GGT1: variants seen among roughly 807,000 people sequenced by gnomAD.
The protein encoded by GGT1 is gamma-glutamyltransferase 1.
A neutral mutation model predicts 56.0 loss-of-function variants in GGT1; 21 were observed. The ratio of observed to expected loss-of-function variants is 0.38; its 90% CI spans 0.27 to 0.54. The LOEUF (loss-of-function observed/expected upper bound fraction) is 0.54, where lower values mean the gene tolerates loss of function less well. Ranked by LOEUF, GGT1 falls within the 20% of genes least tolerant of loss-of-function variation. The pLI, the probability that GGT1 is intolerant of heterozygous loss-of-function variation, is 0.82. For synonymous variants in GGT1, 238 were observed against 342.6 expected (o/e 0.69, Z 3.37); for missense variants, 466 against 787.0 (o/e 0.59, Z 4.88).
chr22:24,618,266 G>T (rs1383200966), intron 7 of GGT1, among the ~76,000 whole-genome samples: 1 of 152,020 alleles, frequency 6.6e-6, no homozygotes, highest in East Asian at 1.9e-4. Context: ...GCTAAGCATC[G>T]TCACCCTGGT....
intron 1 of GGT1, among the ~76,000 whole-genome samples, chr22:24,595,652 A>C (rs749420576): frequency 9.2e-5 from 14 of 152,162 alleles, no homozygotes; most frequent in Non-Finnish European, 1.8e-4. Context: ...CCCTGATGGG[A>C]ACGTACTAGG....
chr22:24,628,849 G>A lies in GGT1; in HGVS notation c.*10G>A, dbSNP rs1461480347. On this transcript the variant is annotated 3_prime_UTR_variant, in exon 16 of 16. Transcript: ENST00000400382. This position sits in a 1 kb window ranked among gnomAD's most constrained non-coding sequence, Gnocchi z 5.7. The stretch of plus-strand genomic sequence containing the variant: ...GCCTGCCGGCTACTGAGTGCTCCAG[G>A]AGGACAAGGCTGACAAGCAATCCAG... The A allele has an allele frequency of 6.3e-7, 1 of 1,582,078 alleles. No individual in the cohort carries two copies. Among genetic ancestry groups the A allele is most frequent in the Non-Finnish European group, 8.6e-7 (1 of 1,163,312 alleles).
chr22:24,584,686 C>G, the GGT1 span, among the ~76,000 whole-genome samples: 2 of 152,074 alleles, frequency 1.3e-5, no homozygotes, highest in Non-Finnish European at 2.9e-5. Context: ...TGGAGCCCCC[C>G]TCTGCTGCTG....
chr22:24,597,831 G>T (rs916120001), intron 1 of GGT1, among the ~76,000 whole-genome samples: 6 of 152,196 alleles, frequency 3.9e-5, no homozygotes, highest in African/African-American at 1.4e-4. Context: ...ACTCCAGCTG[G>T]TGTCTTCCAA....
At chr22:24,623,062 T>G in intron 9 of GGT1, 45 bp from the exon 10 acceptor site, 1 of 1,611,104 alleles carries the variant, frequency 6.2e-7, no homozygotes, top group Non-Finnish European at 8.5e-7. Context: ...CACGCAGTGG[T>G]GCAGCCCCAT....
the GGT1 span, chr22:24,586,415 T>C: frequency 1.2e-6 from 2 of 1,605,136 alleles, no homozygotes; most frequent in African/African-American, 1.3e-5. Flanking sequence ...CTTGAGGCTA[T>C]GGGAGAGTGG....
At chr22:24,615,663 T>C (rs4049867) in intron 7 of GGT1, among the ~76,000 whole-genome samples, 4 of 152,190 alleles carry the variant, frequency 2.6e-5, no homozygotes, top group Admixed American at 6.5e-5. Flanking sequence ...GTGGGGATGG[T>C]GCTCTAGAAT....
At chr22:24,622,002 A>C in intron 9 of GGT1, among the ~76,000 whole-genome samples, 1 of 149,232 alleles carries the variant, frequency 6.7e-6, no homozygotes, top group African/African-American at 2.5e-5. Context: ...GTGAGCCGAG[A>C]TTGCACCACT....
At chr22:24,597,944 T>G (rs1157293282) in intron 1 of GGT1, 2 of 152,238 alleles carry the variant, frequency 1.3e-5, no homozygotes, top group African/African-American at 4.8e-5. Context: ...GTCACAAGTC[T>G]GGGCATTGGG....
At chr22:24,605,945 A>C (rs1248420212) in intron 1 of GGT1, among the ~76,000 whole-genome samples, 2 of 82,858 alleles carry the variant, frequency 2.4e-5, no homozygotes, top group East Asian at 3.0e-4. Flanking sequence ...TATAATATAT[A>C]ATATTATATA....
chr22:24,600,831 G>A (rs563966886), upstream of GGT1, among the ~76,000 whole-genome samples: 11 of 152,324 alleles, frequency 7.2e-5, no homozygotes, highest in African/African-American at 2.6e-4. Context: ...TCTGAGGCCA[G>A]GCCCACCTGC....
chr22:24,584,660 GCCT>G, the GGT1 span, among the ~76,000 whole-genome samples: 1 of 152,170 alleles, frequency 6.6e-6, no homozygotes, highest in Middle Eastern at 3.4e-3. Flanking sequence ...GAGGACCCCT[GCCT>G]CCTCCTTAGC....
chr22:24,583,982 G>A, the GGT1 span, among the ~76,000 whole-genome samples: 1 of 152,240 alleles, frequency 6.6e-6, no homozygotes, highest in Non-Finnish European at 1.5e-5. Flanking sequence ...CTGGCCCAGG[G>A]CCGGCTCTCA....
chr22:24,586,467 A>G, the GGT1 span: 2 of 1,539,666 alleles, frequency 1.3e-6, no homozygotes, highest in African/African-American at 1.4e-5. Flanking sequence ...CCCCCCACTG[A>G]CCACAGACAG....
rs374509145 is a variant in GGT1 at position 24,623,669 on chromosome 22, G to A, written c.884-111G>A. 404 of 843,498 alleles carry A rather than the reference G, an allele frequency of 4.8e-4. 2 individuals carry two copies. The East Asian group carries it at 9.7e-3, about 20-fold the overall frequency. 52.3% of individuals were successfully genotyped at this position (843,498 alleles called of 1,614,324 possible). Reference sequence around the variant, plus strand: ...GCCTTCTGAAGCAGCTGCTGCTATTGGTTATTAAACGCTCCTTGAGGTGGG... The same window carrying A: ...GCCTTCTGAAGCAGCTGCTGCTATTAGTTATTAAACGCTCCTTGAGGTGGG... On this transcript the variant is annotated intron_variant, in intron 10 of 15. Transcript: ENST00000400382.
At chr22:24,607,908 T>G in intron 1 of GGT1, 46 bp from the exon 2 acceptor site, 1 of 443,434 alleles carries the variant, frequency 2.3e-6, no homozygotes, top group Non-Finnish European at 4.7e-6. Context: ...GCCAGTTCTG[T>G]GGCTGGGACT....
intron 10 of GGT1, 23 bp from the exon 11 acceptor site, chr22:24,623,757 T>G (rs1386393056): frequency 6.2e-7 from 1 of 1,611,062 alleles, no homozygotes; most frequent in Admixed American, 1.7e-5. Flanking sequence ...CTCAGCAACA[T>G]GCACCTGGCT....
chr22:24,586,058 A>G, the GGT1 span: 2 of 1,611,992 alleles, frequency 1.2e-6, no homozygotes, highest in Non-Finnish European at 1.7e-6. Context: ...GCCGACCAGC[A>G]GGGGCTGGGG....
At chr22:24,590,564 C>A (rs1190286605), upstream of GGT1, among the ~76,000 whole-genome samples, 2 of 152,114 alleles carry the variant, frequency 1.3e-5, no homozygotes, top group Non-Finnish European at 2.9e-5. Context: ...CAGTGGGATT[C>A]TTTGGGGTCT....
Sources: allele counts gnomAD v4.1 joint callset (sites outside exome capture counted in the v4.1 genomes callset), GRCh38; gene constraint gnomAD v4.1.1; non-coding constraint Gnocchi (gnomAD v3.1); transcripts MANE v1.5; gene names NCBI Gene and HGNC (gene_info 2026-07-23, HGNC 2026-07-21).